TIAM1: variants seen among roughly 807,000 people sequenced by gnomAD.
TIAM1 encodes TIAM Rac1 associated GEF 1, also known as rho guanine nucleotide exchange factor TIAM1.
Under a neutral mutation model 163.5 loss-of-function variants are expected in TIAM1, and 65 were observed. The observed-to-expected ratio is 0.40, with a 90% CI of 0.33 to 0.49. The LOEUF is 0.49. TIAM1 is among the 20% of genes least tolerant of loss of function. The pLI, the probability that TIAM1 is intolerant of heterozygous loss-of-function variation, is 0.77. For synonymous variants in TIAM1, 833 were observed against 810.1 expected, an observed-to-expected ratio of 1.03 and a Z score of -0.48; for missense variants, 1,789 against 2,044.7, an observed-to-expected ratio of 0.87 and a Z score of 2.41.
At chr21:31,387,195 C>CTTTTTTTTT (rs60592178) in intron 2 of TIAM1, among the ~76,000 whole-genome samples, 15 of 75,160 alleles carry the variant, frequency 2.0e-4, no homozygotes, top group African/African-American at 6.7e-4. Context: ...AGCTTATTCT[C>CTTTTTTTTT]TTTTTTTTTT....
At chr21:31,262,969 A>C (rs1431946830) in intron 4 of TIAM1, among the ~76,000 whole-genome samples, 1 of 152,094 alleles carries the variant, frequency 6.6e-6, no homozygotes, top group Non-Finnish European at 1.5e-5. Flanking sequence ...TTAAAAAAGC[A>C]TTCTTTTCAA....
chr21:31,528,090 T>A (rs958566162), intron 1 of TIAM1, among the ~76,000 whole-genome samples: 2 of 152,146 alleles, frequency 1.3e-5, no homozygotes, highest in African/African-American at 4.8e-5. Flanking sequence ...TTAAACAACA[T>A]TCACTGACAG....
chr21:31,492,092 A>G (rs1423012952), intron 1 of TIAM1, among the ~76,000 whole-genome samples: 1 of 152,220 alleles, frequency 6.6e-6, no homozygotes, highest in East Asian at 1.9e-4. Flanking sequence ...GTATATGTAT[A>G]TGCATACGTA....
chr21:31,368,164 T>C (rs763015198), intron 2 of TIAM1, among the ~76,000 whole-genome samples: 2 of 152,208 alleles, frequency 1.3e-5, no homozygotes, highest in Non-Finnish European at 2.9e-5. Context: ...AAAAGATGTC[T>C]ACCAATTATT....
At position 31,241,766 on chromosome 21, in the gene TIAM1, G is replaced by C. The variant is rs145988402; in HGVS notation, c.1584+3722C>G. ...TCATGCCTATCATCCCAGTGGGTTGGGAGACCAAAATGGGAAGACTGCTTG... is the reference window on the plus strand; with the variant it reads ...TCATGCCTATCATCCCAGTGGGTTGCGAGACCAAAATGGGAAGACTGCTTG... On this transcript the variant is annotated intron_variant, in intron 6 of 27. Coordinates refer to ENST00000541036, the MANE Select transcript of TIAM1 (RefSeq NM_001353694.2). Among the ~76,000 whole-genome samples, 202 of 152,318 alleles carry C rather than the reference G, an allele frequency of 1.3e-3. 1 individual carries two copies. The highest frequency in any genetic ancestry group is 4.6e-3 in the African/African-American group (191 of 41,560).
chr21:31,541,953 C>T (rs2048335284), intron 1 of TIAM1, among the ~76,000 whole-genome samples: 1 of 152,202 alleles, frequency 6.6e-6, no homozygotes, highest in Non-Finnish European at 1.5e-5. Context: ...AAGCAAAGGC[C>T]TGAATCCTTA....
intron 1 of TIAM1, among the ~76,000 whole-genome samples, chr21:31,555,013 A>G (rs1288689760): frequency 6.6e-6 from 1 of 152,096 alleles, no homozygotes; most frequent in Non-Finnish European, 1.5e-5. Flanking sequence ...AAGGGAATGG[A>G]AGGGGAAAAC....
intron 2 of TIAM1, among the ~76,000 whole-genome samples, chr21:31,304,850 G>A (rs576885359): frequency 5.3e-5 from 8 of 152,086 alleles, no homozygotes; most frequent in African/African-American, 1.7e-4. Flanking sequence ...CCACCACCAT[G>A]CCCGGCTAGT....
chr21:31,218,511 G>A (rs539178510), intron 8 of TIAM1, among the ~76,000 whole-genome samples: 2 of 151,716 alleles, frequency 1.3e-5, no homozygotes, highest in South Asian at 2.1e-4. Flanking sequence ...GGAGGTTGCA[G>A]TGAGCTGAGA....
chr21:31,418,752 G>A (rs999300499), intron 2 of TIAM1, among the ~76,000 whole-genome samples: 49 of 152,144 alleles, frequency 3.2e-4, no homozygotes, highest in African/African-American at 1.1e-3. Flanking sequence ...AAAACACACC[G>A]CCAGAGAAGA....
intron 2 of TIAM1, among the ~76,000 whole-genome samples, chr21:31,368,760 G>A (rs1372323462): frequency 6.6e-6 from 1 of 152,128 alleles, no homozygotes; most frequent in African/African-American, 2.4e-5. Context: ...GTAGCAGCAG[G>A]GGGAAATATG....
intron 13 of TIAM1, 94 bp downstream of exon 13, chr21:31,195,130 A>G (rs1422693195): frequency 8.4e-6 from 8 of 951,146 alleles, no homozygotes; most frequent in Non-Finnish European, 1.3e-5. Flanking sequence ...TGTTTTAGAT[A>G]GGACTCAAAG....
At chr21:31,139,503 T>C (rs902694500) in intron 22 of TIAM1, among the ~76,000 whole-genome samples, 1 of 152,032 alleles carries the variant, frequency 6.6e-6, no homozygotes, top group Non-Finnish European at 1.5e-5. Context: ...TACATAGATA[T>C]TAATTTAAAA....
chr21:31,492,170 G>A (rs2409410), intron 1 of TIAM1, among the ~76,000 whole-genome samples: 48,150 of 152,096 alleles, frequency 0.32, 8,391 homozygotes, highest in East Asian at 0.7. Flanking sequence ...AAATCGTTAA[G>A]CCAAGGGAGA....
chr21:31,372,996 G>C (rs1419155000), intron 2 of TIAM1, among the ~76,000 whole-genome samples: 1 of 149,452 alleles, frequency 6.7e-6, no homozygotes, highest in African/African-American at 2.5e-5. Flanking sequence ...CAGAGGTTTC[G>C]GTGAGCCGAG....
chr21:31,262,966 A>G (rs2072560629), intron 4 of TIAM1, among the ~76,000 whole-genome samples: 1 of 152,100 alleles, frequency 6.6e-6, no homozygotes, highest in Non-Finnish European at 1.5e-5. Context: ...TTTTTAAAAA[A>G]GCATTCTTTT....
chr21:31,543,771 T>C (rs1185848611), intron 1 of TIAM1, among the ~76,000 whole-genome samples: 1 of 152,164 alleles, frequency 6.6e-6, no homozygotes, highest in Non-Finnish European at 1.5e-5. Context: ...TCAGACAAGA[T>C]TGAAAAACAA....
intron 2 of TIAM1, among the ~76,000 whole-genome samples, chr21:31,437,638 A>G (rs2044258259): frequency 6.6e-6 from 1 of 152,156 alleles, no homozygotes; most frequent in Non-Finnish European, 1.5e-5. Context: ...GAGGGTGGAC[A>G]TCCCCCTTGT....
chr21:31,328,003 A>G (rs2075552149), intron 2 of TIAM1, among the ~76,000 whole-genome samples: 1 of 151,810 alleles, frequency 6.6e-6, no homozygotes, highest in Non-Finnish European at 1.5e-5. Context: ...TGGCTCTCCC[A>G]CTTTGCTCTT....
Sources: gnomAD v4.1 joint callset for allele counts (sites outside exome capture counted in the v4.1 genomes callset) on GRCh38, gnomAD v4.1.1 for gene constraint, MANE v1.5 for transcripts, NCBI Gene and HGNC (gene_info 2026-07-23, HGNC 2026-07-21) for gene names.